The following CFAP77 variants were observed in gnomAD, a reference collection of about 807,000 sequenced individuals.
The protein encoded by CFAP77 is cilia- and flagella-associated protein 77.
CFAP77 carries 25 observed loss-of-function variants against 31.1 expected under a neutral mutation model. The observed-to-expected ratio is 0.80, with a 90% CI of 0.59 to 1.12. The LOEUF is 1.12. Among genes scored for constraint, CFAP77 ranks in the 50% most tolerant of loss-of-function variants. The probability of loss-of-function intolerance (pLI) is 0.00; values close to 1 mark genes in which losing one functional copy is unlikely to be tolerated. For missense variants in CFAP77, 377 were observed against 397.3 expected (o/e 0.95, Z 0.44); for synonymous variants, 151 against 159.9 (o/e 0.94, Z 0.42).
chr9:132,501,402 C>CT lies in CFAP77; in HGVS notation c.524+1817dup, dbSNP rs750312944. 0.12 allele frequency among the ~76,000 whole-genome samples: 16,810 copies of CT among 141,922 alleles called. 1,138 individuals are homozygous for CT. The highest frequency in any genetic ancestry group is 0.18 in the African/African-American group (7,012 of 38,468). 93.1% of individuals were successfully genotyped at this position (141,922 alleles called of 152,430 possible). On this transcript the variant is annotated intron_variant, in intron 3 of 5. Coordinates refer to ENST00000393216, the MANE Select transcript of CFAP77 (RefSeq NM_001282957.2). This position sits in a 1 kb window ranked among gnomAD's most constrained non-coding sequence, Gnocchi z 4.6. ...CCAGCTCAGGTTACATGACTATCTT[C>CT]TTTTTTTTTTTTTTTGGACAGTGTC...
intron 1 of CFAP77, among the ~76,000 whole-genome samples, chr9:132,486,633 G>A (rs1266750980): frequency 6.6e-6 from 1 of 152,230 alleles, no homozygotes; most frequent in African/African-American, 2.4e-5. Context: ...AACGCTGCGC[G>A]TTTCCCCCTC....
intron 1 of CFAP77, among the ~76,000 whole-genome samples, chr9:132,440,057 G>A (rs1297875746): frequency 3.9e-5 from 6 of 151,984 alleles, no homozygotes; most frequent in African/African-American, 1.2e-4. Context: ...AGCGGCAGCC[G>A]CAGCAGCAGC....
In CFAP77 at chr9:132,539,933, T is replaced by G. The variant is rs1391392325; in HGVS notation, c.630+2227T>G. Among the ~76,000 whole-genome samples, 1 of 151,716 alleles carries G rather than the reference T, an allele frequency of 6.6e-6. No homozygotes were observed. The highest frequency in any genetic ancestry group is 1.5e-5 in the Non-Finnish European group (1 of 67,920). Reference sequence around the variant, plus strand: ...TTTTGCTGTTTGTTTATTTTTGTTTTTGTTTGTTTGTTTTTGAGACGGAGT... The same window carrying G: ...TTTTGCTGTTTGTTTATTTTTGTTTGTGTTTGTTTGTTTTTGAGACGGAGT... On this transcript the variant is annotated intron_variant, in intron 4 of 5. Coordinates refer to ENST00000393216, the MANE Select transcript of CFAP77 (RefSeq NM_001282957.2). This position sits in a 1 kb window ranked among gnomAD's most constrained non-coding sequence, Gnocchi z 4.3.
At chr9:132,532,926 G>A (rs944813) in intron 3 of CFAP77, among the ~76,000 whole-genome samples, 3,361 of 152,268 alleles carry the variant, frequency 0.022, 137 homozygotes, top group African/African-American at 0.076. Flanking sequence ...GGTGGCGCAC[G>A]CCTGAGGTCC....
intron 1 of CFAP77, among the ~76,000 whole-genome samples, chr9:132,458,542 G>A (rs115668859): frequency 1.3e-5 from 2 of 152,170 alleles, no homozygotes; most frequent in Admixed American, 6.5e-5. Context: ...GGTCAGGTCC[G>A]CACAGGACAG....
Position 132,572,511 on chromosome 9 carries a change from C to A in CFAP77, c.*1C>A. 2 of 1,598,486 alleles carry A rather than the reference C, an allele frequency of 1.3e-6. No individual in the cohort carries two copies. The highest frequency in any genetic ancestry group is 8.5e-7 in the Non-Finnish European group (1 of 1,176,390). On this transcript the variant is annotated 3_prime_UTR_variant, in exon 6 of 6. Transcript: ENST00000393216. ...GATGGGCAACTACACCCACCCCTAG[C>A]CCCTCCCTCCCCTGCCACAAGAAGC... is the stretch of plus-strand genomic sequence containing the variant.
chr9:132,447,408 T>C (rs937724651), intron 1 of CFAP77, among the ~76,000 whole-genome samples: 2 of 152,204 alleles, frequency 1.3e-5, no homozygotes, highest in Non-Finnish European at 2.9e-5. Flanking sequence ...CCAGTTTCAT[T>C]TGAAGCCTAG....
Position 132,495,277 on chromosome 9 carries a change from C to T in CFAP77, c.196-3418C>T, listed in dbSNP as rs188280245. On this transcript the variant is annotated intron_variant, in intron 1 of 5. Coordinates refer to ENST00000393216, the MANE Select transcript of CFAP77 (RefSeq NM_001282957.2). This position sits in a 1 kb window ranked among gnomAD's most constrained non-coding sequence, Gnocchi z 4.2. ...AAAAAGCAGAGATTGAGGCACACACCTGCTCCTTGCTCCCTGCCTGAGGGT... is the reference window on the plus strand; with the variant it reads ...AAAAAGCAGAGATTGAGGCACACACTTGCTCCTTGCTCCCTGCCTGAGGGT... 2.5e-4 allele frequency among the ~76,000 whole-genome samples: 38 copies of T among 152,206 alleles called. No individual in the cohort carries two copies. The highest frequency in any genetic ancestry group is 5.9e-4 in the Admixed American group (9 of 15,292).
In CFAP77 at chr9:132,497,509, G is replaced by A. The variant is rs1160280089; in HGVS notation, c.196-1186G>A. 6.6e-6 allele frequency among the ~76,000 whole-genome samples: 1 copy of A among 152,232 alleles called. No homozygotes were observed. The highest frequency in any genetic ancestry group is 1.5e-5 in the Non-Finnish European group (1 of 68,040). On this transcript the variant is annotated intron_variant, in intron 1 of 5. Coordinates refer to ENST00000393216, the MANE Select transcript of CFAP77 (RefSeq NM_001282957.2). The surrounding 1 kb of genome is among the most constrained non-coding windows in gnomAD (Gnocchi z 4.9). ...GGAGCAGCTGCACCCACCCTTCTCA[G>A]TAATGGCCCCGGGGCCTGCTGGCAC...
chr9:132,543,875 C>G (rs1852687783), intron 5 of CFAP77, among the ~76,000 whole-genome samples: 1 of 152,136 alleles, frequency 6.6e-6, no homozygotes, highest in African/African-American at 2.4e-5. Flanking sequence ...AATGTAAGAG[C>G]CGGGGGCACC....
intron 3 of CFAP77, among the ~76,000 whole-genome samples, chr9:132,512,079 G>T (rs1852051156): frequency 6.6e-6 from 1 of 152,000 alleles, no homozygotes; most frequent in Non-Finnish European, 1.5e-5. Flanking sequence ...AACAAAAATG[G>T]ATCCTTTCCT....
intron 3 of CFAP77, among the ~76,000 whole-genome samples, chr9:132,525,467 A>G (rs945062017): frequency 6.6e-6 from 1 of 152,242 alleles, no homozygotes; most frequent in Admixed American, 6.5e-5. Flanking sequence ...AAGTTTGTAC[A>G]GAGAAAACCC....
At chr9:132,411,277 C>G (rs962447832) in intron 1 of CFAP77, among the ~76,000 whole-genome samples, 1 of 152,230 alleles carries the variant, frequency 6.6e-6, no homozygotes, top group Non-Finnish European at 1.5e-5. Flanking sequence ...AAATGCGCCC[C>G]GCGTCCCAGG....
intron 5 of CFAP77, 66 bp downstream of exon 5, chr9:132,543,113 C>A: frequency 2.3e-6 from 3 of 1,323,216 alleles, no homozygotes; most frequent in South Asian, 1.2e-5. Flanking sequence ...TTGCCAGGTC[C>A]TTACCTGCTG....
At chr9:132,531,860 C>T (rs1852459414) in intron 3 of CFAP77, among the ~76,000 whole-genome samples, 1 of 152,162 alleles carries the variant, frequency 6.6e-6, no homozygotes. Context: ...ATAAGAGCTG[C>T]TGGCCGGAGC....
At chr9:132,514,162 C>A (rs1277575502) in intron 3 of CFAP77, among the ~76,000 whole-genome samples, 2 of 151,460 alleles carry the variant, frequency 1.3e-5, no homozygotes, top group East Asian at 3.9e-4. Flanking sequence ...CCACGGGTGA[C>A]AGTGAGGAGA....
chr9:132,446,555 A>C (rs1850720280), intron 1 of CFAP77, among the ~76,000 whole-genome samples: 1 of 151,930 alleles, frequency 6.6e-6, no homozygotes, highest in Non-Finnish European at 1.5e-5. Context: ...CCTTGCTAAC[A>C]TGGTGAAACC....
intron 1 of CFAP77, among the ~76,000 whole-genome samples, chr9:132,428,471 TG>T (rs1007856914): frequency 3.3e-5 from 5 of 152,036 alleles, no homozygotes; most frequent in Non-Finnish European, 5.9e-5. Context: ...AAAAATTAGC[TG>T]GGCATGGTGG....
At position 132,554,951 on chromosome 9, in the gene CFAP77, T is replaced by C. The variant is rs1045913157; in HGVS notation, c.732+11904T>C. On this transcript the variant is annotated intron_variant, in intron 5 of 5. Coordinates refer to ENST00000393216, the MANE Select transcript of CFAP77 (RefSeq NM_001282957.2). The surrounding 1 kb of genome is among the most constrained non-coding windows in gnomAD (Gnocchi z 4.1). ...ATCCATCCATCCACCCATCCATCCA[T>C]CCATCCATCCATCCATCCATCCATC... Among the ~76,000 whole-genome samples the C allele has an allele frequency of 1.5e-4, 20 of 135,184 alleles. No homozygotes were observed. The highest frequency in any genetic ancestry group is 5.9e-4 in the East Asian group (3 of 5,098). 88.7% of individuals were successfully genotyped at this position (135,184 alleles called of 152,430 possible). A position where few individuals can be genotyped will look rare whatever the true frequency, so the allele number is the denominator to read the frequency against.
Sources: allele counts gnomAD v4.1 joint callset (sites outside exome capture counted in the v4.1 genomes callset), GRCh38; gene constraint gnomAD v4.1.1; non-coding constraint Gnocchi (gnomAD v3.1); transcripts MANE v1.5; gene names NCBI Gene and HGNC (gene_info 2026-07-23, HGNC 2026-07-21).